Variants in TULP4 observed in about 807,000 individuals in gnomAD.
TULP4 encodes tubby-related protein 4.
A neutral mutation model predicts 129.0 loss-of-function variants in TULP4; 16 were observed. That is an observed-to-expected ratio of 0.12 (90% CI 0.08 to 0.19). The LOEUF (loss-of-function observed/expected upper bound fraction) is 0.19, where lower values mean the gene tolerates loss of function less well. TULP4 is among the 10% of genes least tolerant of loss of function. The pLI is 1.00. For missense variants in TULP4, 1,842 were observed against 2,059.1 expected, an observed-to-expected ratio of 0.89 and a Z score of 2.04; for synonymous variants, 998 against 854.0, an observed-to-expected ratio of 1.17 and a Z score of -2.94.
At chr6:158,435,074 C>T (rs186376442) in intron 3 of TULP4, among the ~76,000 whole-genome samples, 11 of 152,310 alleles carry the variant, frequency 7.2e-5, no homozygotes, top group African/African-American at 2.4e-4. Flanking sequence ...ATCTCTGATA[C>T]CCCATCTCCA....
At chr6:158,441,613 G>A (rs1168920873) in intron 3 of TULP4, among the ~76,000 whole-genome samples, 2 of 152,144 alleles carry the variant, frequency 1.3e-5, no homozygotes, top group African/African-American at 4.8e-5. Flanking sequence ...TGTTAGGAGG[G>A]GTGAGATGTA....
intron 8 of TULP4, 168 bp downstream of exon 8, chr6:158,481,457 C>T (rs1779943474): frequency 3.0e-6 from 2 of 674,518 alleles, no homozygotes; most frequent in Non-Finnish European, 5.3e-6. Context: ...TTGAAATGAA[C>T]AGTTCTCTAA....
rs973232442 is a variant in TULP4, at chr6:158,452,272, C to T, written c.859+4C>T. 4 of 1,613,542 alleles carry T rather than the reference C, an allele frequency of 2.5e-6. No homozygotes were observed. Among genetic ancestry groups the T allele is most frequent in the Non-Finnish European group, 3.4e-6 (4 of 1,179,798 alleles). Reference sequence around the variant, plus strand: ...GTCATCCGCTCAGGGCTGAAAGGTACAGAATGCTGCACACACCCCAAACCT... The same window carrying T: ...GTCATCCGCTCAGGGCTGAAAGGTATAGAATGCTGCACACACCCCAAACCT... On this transcript the variant is annotated splice_donor_region_variant and intron_variant, in intron 5 of 13. Coordinates refer to ENST00000367097, the MANE Select transcript of TULP4 (RefSeq NM_020245.5).
chr6:158,243,825 CATTT>C (rs1777972291), intron 1 of TULP4, among the ~76,000 whole-genome samples: 1 of 145,130 alleles, frequency 6.9e-6, no homozygotes, highest in South Asian at 2.3e-4. Context: ...TACATCCTGT[CATTT>C]AGTTATTAGC....
chr6:158,237,405 A>G, intron 1 of TULP4: 1 of 1,610,060 alleles, frequency 6.2e-7, no homozygotes, highest in Non-Finnish European at 8.5e-7. Flanking sequence ...GAGCCCCTGC[A>G]GGTCTCTGGT....
intron 1 of TULP4, chr6:158,238,513 A>G (rs1333497355): frequency 3.4e-6 from 1 of 297,938 alleles, no homozygotes; most frequent in Non-Finnish European, 5.9e-6. Flanking sequence ...TAGTGGAGGG[A>G]AGGTCAGCAG....
At chr6:158,426,749 C>CA (rs1778503376) in intron 2 of TULP4, among the ~76,000 whole-genome samples, 1 of 152,096 alleles carries the variant, frequency 6.6e-6, no homozygotes, top group Admixed American at 6.6e-5. Flanking sequence ...TTTTCTGGTT[C>CA]TATGAAGAAT....
At chr6:158,463,388 T>G (rs1308709461) in intron 6 of TULP4, among the ~76,000 whole-genome samples, 3 of 152,024 alleles carry the variant, frequency 2.0e-5, no homozygotes, top group Non-Finnish European at 4.4e-5. Context: ...GGATGAATTA[T>G]CAGCAGCGCG....
chr6:158,442,069 T>C (rs535266725), intron 3 of TULP4, among the ~76,000 whole-genome samples: 19 of 152,272 alleles, frequency 1.2e-4, no homozygotes, highest in South Asian at 2.1e-4. Context: ...TTCTCCCTAC[T>C]GCAGCAGTTA....
intron 1 of TULP4, among the ~76,000 whole-genome samples, chr6:158,372,021 CCCAGG>C (rs1777080285): frequency 6.6e-6 from 1 of 151,946 alleles, no homozygotes; most frequent in Non-Finnish European, 1.5e-5. Flanking sequence ...CTCCATGTCG[CCCAGG>C]CTGGTCTCAA....
chr6:158,301,745 T>C (rs1335655313), intron 1 of TULP4, among the ~76,000 whole-genome samples: 1 of 152,194 alleles, frequency 6.6e-6, no homozygotes, highest in African/African-American at 2.4e-5. Context: ...ACTGGGCAGT[T>C]TGGATTCTTT....
rs973879090 is a variant in TULP4, at chr6:158,508,047, A to T, written c.*1353A>T. 11 of 151,718 alleles carry T rather than the reference A, an allele frequency of 7.3e-5. No individual in the cohort carries two copies. The highest frequency in any genetic ancestry group is 1.2e-4 in the Non-Finnish European group (8 of 67,874). 9.4% of individuals were successfully genotyped at this position (151,718 alleles called of 1,614,324 possible). ...GTTGATCACAGTTTGTTAATTGTAT[A>T]AAAAAAAATTACCTAGAATATCTCT... On this transcript the variant is annotated 3_prime_UTR_variant, in exon 14 of 14. Transcript: ENST00000367097.
intron 1 of TULP4, among the ~76,000 whole-genome samples, chr6:158,401,228 C>T (rs1353608577): frequency 6.6e-6 from 1 of 152,118 alleles, no homozygotes; most frequent in Non-Finnish European, 1.5e-5. Context: ...CACGCACCAC[C>T]ATGCCCAACT....
At chr6:158,465,023 T>C (rs1186344295) in intron 6 of TULP4, among the ~76,000 whole-genome samples, 1 of 152,226 alleles carries the variant, frequency 6.6e-6, no homozygotes. Context: ...TGGAATTTGG[T>C]ATCTTATTGC....
rs1780269162 is a variant in TULP4, at chr6:158,493,805, C to T, written c.1776+88C>T. On this transcript the variant is annotated intron_variant, in intron 10 of 13. Transcript: ENST00000367097. This position sits in a 1 kb window ranked among gnomAD's most constrained non-coding sequence, Gnocchi z 4.4. The stretch of plus-strand genomic sequence containing the variant: ...CTTCCTACCCGCCGCCTGCACTGCT[C>T]ACTGCCACCATGGGTCCCTGAGCTC... The T allele has an allele frequency of 2.9e-6, 4 of 1,390,736 alleles. No individual in the cohort carries two copies. Among genetic ancestry groups the T allele is most frequent in the South Asian group, 3.1e-5 (2 of 64,788 alleles). 86.1% of individuals were successfully genotyped at this position (1,390,736 alleles called of 1,614,324 possible). A position where few individuals can be genotyped will look rare whatever the true frequency, so the allele number is the denominator to read the frequency against.
At chr6:158,390,789 T>C (rs953468461) in intron 1 of TULP4, among the ~76,000 whole-genome samples, 33 of 152,352 alleles carry the variant, frequency 2.2e-4, no homozygotes, top group African/African-American at 7.0e-4. Flanking sequence ...TTATTTTGCA[T>C]GGGCCCTATG....
intron 3 of TULP4, among the ~76,000 whole-genome samples, chr6:158,443,992 G>A (rs1339772758): frequency 6.6e-6 from 1 of 151,918 alleles, no homozygotes; most frequent in Admixed American, 6.6e-5. Flanking sequence ...GGCCAGGGTG[G>A]GCGGATCACA....
upstream of TULP4, among the ~76,000 whole-genome samples, chr6:158,309,085 C>T (rs1362044090): frequency 1.8e-5 from 2 of 109,642 alleles, no homozygotes; most frequent in Non-Finnish European, 4.0e-5. Context: ...ACGCTCCTCA[C>T]TTCCCAGACG....
At chr6:158,433,628 T>G (rs1778683770) in intron 3 of TULP4, among the ~76,000 whole-genome samples, 1 of 152,222 alleles carries the variant, frequency 6.6e-6, no homozygotes, top group African/African-American at 2.4e-5. Context: ...GGAGAATTAC[T>G]TGAACCCAGG....
Sources: gnomAD v4.1 joint callset for allele counts (sites outside exome capture counted in the v4.1 genomes callset) on GRCh38, gnomAD v4.1.1 for gene constraint, Gnocchi (gnomAD v3.1) non-coding constraint, MANE v1.5 for transcripts, NCBI Gene and HGNC (gene_info 2026-07-23, HGNC 2026-07-21) for gene names.